Variants in BTBD10 observed in about 807,000 individuals in gnomAD.
BTBD10 encodes the protein BTB/POZ domain-containing protein 10.
Under a neutral mutation model 53.2 loss-of-function variants are expected in BTBD10, and 21 were observed. That is an observed-to-expected ratio of 0.39 (90% CI 0.28 to 0.57). The LOEUF (loss-of-function observed/expected upper bound fraction) is 0.57, where lower values mean the gene tolerates loss of function less well. Among genes scored for constraint, BTBD10 ranks in the 20% least tolerant of loss-of-function variants. The probability of loss-of-function intolerance (pLI) is 0.53; values close to 1 mark genes in which losing one functional copy is unlikely to be tolerated. For missense variants in BTBD10, 360 were observed against 594.7 expected (o/e 0.61, Z 4.10); for synonymous variants, 149 against 192.7 (o/e 0.77, Z 1.88).
At chr11:13,409,102 T>G (rs1949888747) in intron 6 of BTBD10, among the ~76,000 whole-genome samples, 1 of 152,142 alleles carries the variant, frequency 6.6e-6, no homozygotes. Context: ...GGTGCCTTGT[T>G]ACCTCTCCGA....
intron 2 of BTBD10, among the ~76,000 whole-genome samples, chr11:13,442,629 A>G (rs1950678725): frequency 6.6e-6 from 1 of 152,128 alleles, no homozygotes; most frequent in African/African-American, 2.4e-5. Context: ...ACTCAAGCTG[A>G]TAATTATTCT....
chr11:13,449,201 T>C (rs1950805212), intron 1 of BTBD10, among the ~76,000 whole-genome samples: 1 of 152,188 alleles, frequency 6.6e-6, no homozygotes, highest in South Asian at 2.1e-4. Context: ...TTCCAGGTAG[T>C]ATCAATTAAT....
Position 13,419,662 on chromosome 11 carries a change from C to G in BTBD10, c.382G>C (p.Gly128Arg), listed in dbSNP as rs1396982010. The G allele has an allele frequency of 6.2e-7, 1 of 1,613,962 alleles. No homozygotes were observed. The change falls in exon 4 of 9, where the codon GGG becomes CGG. Residue 128 changes from glycine (G) to arginine (R), a missense_variant. Physicochemically the swap from Gly to Arg is moderately radical, Grantham distance 125. This residue lies in a region of BTBD10 where 109 missense variants were observed against 118.6 expected (regional missense o/e 0.92). Transcript: ENST00000278174. ...ASPNGSISSA[G>R]NSSRNSSQSS... ...TGACTACTGTTTCTGCTGCTGTTCC[C>G]AGCACTGCTAATGGAACCATTTGGG...
intron 7 of BTBD10, chr11:13,404,530 T>A: frequency 1.2e-6 from 1 of 849,012 alleles, no homozygotes; most frequent in Non-Finnish European, 1.4e-6. Flanking sequence ...TGTTCACTCC[T>A]TTTCCTTAAC....
intron 6 of BTBD10, among the ~76,000 whole-genome samples, chr11:13,406,301 G>C (rs1026672004): frequency 6.6e-6 from 1 of 152,080 alleles, no homozygotes; most frequent in African/African-American, 2.4e-5. Context: ...ACATGATGCA[G>C]GAATTCCACA....
At position 13,419,588 on chromosome 11, in the gene BTBD10, T is replaced by C; in HGVS notation, c.456A>G (p.Val152=). ...SCKTAGEMVF[V]YENAKEGARN... ...GAGCTCCTTCTTTTGCATTTTCATA[T>C]ACAAACACCATCTCCCCAGCTGTCT... The change falls in exon 4 of 9, where the codon GTA becomes GTG. Residue 152 remains valine, a synonymous_variant. Transcript: ENST00000278174. 1 of 1,614,124 alleles carries C rather than the reference T, an allele frequency of 6.2e-7. No homozygotes were observed. The highest frequency in any genetic ancestry group is 2.2e-5 in the East Asian group (1 of 44,874).
chr11:13,417,160 G>A lies in BTBD10; in HGVS notation c.685C>T (p.Leu229=), dbSNP rs750968552. ...CAATACTCATAAGAAACACTCACCA[G>A]AATCGCTCGAAACACAGTGGAACCA... The part of the protein sequence containing the change: ...GIGSTVFRAI[L]DYYKTGIIRC... The change falls in exon 5 of 9, where the codon CTG becomes TTG. Residue 229 remains leucine, a splice_region_variant and synonymous_variant. Transcript: ENST00000278174. The A allele has an allele frequency of 6.2e-7, 1 of 1,609,718 alleles. No homozygotes were observed. The highest frequency in any genetic ancestry group is 8.5e-7 in the Non-Finnish European group (1 of 1,177,670).
intron 2 of BTBD10, among the ~76,000 whole-genome samples, chr11:13,431,838 G>A (rs1950453469): frequency 1.3e-5 from 2 of 152,048 alleles, no homozygotes; most frequent in Admixed American, 6.6e-5. Context: ...AAGAACTGAA[G>A]AAAAACATCA....
At chr11:13,456,389 T>G (rs1050368121) in intron 1 of BTBD10, among the ~76,000 whole-genome samples, 1 of 152,038 alleles carries the variant, frequency 6.6e-6, no homozygotes, top group South Asian at 2.1e-4. Context: ...CAGGAAAACA[T>G]GAAACTGAAT....
At chr11:13,405,913 T>C in intron 6 of BTBD10, 57 bp from the exon 7 acceptor site, 5 of 1,527,910 alleles carry the variant, frequency 3.3e-6, no homozygotes, top group Non-Finnish European at 4.5e-6. Flanking sequence ...AGAGTTCTTT[T>C]AGAAATATAG....
chr11:13,457,310 A>G (rs1445102057), intron 1 of BTBD10, among the ~76,000 whole-genome samples: 1 of 152,272 alleles, frequency 6.6e-6, no homozygotes, highest in Non-Finnish European at 1.5e-5. Flanking sequence ...CTAATATTCC[A>G]TAAAATATTT....
chr11:13,455,087 C>G (rs1950935551), intron 1 of BTBD10, among the ~76,000 whole-genome samples: 1 of 152,030 alleles, frequency 6.6e-6, no homozygotes, highest in South Asian at 2.1e-4. Flanking sequence ...ATTTTGTATT[C>G]TTTTTAGTAG....
At chr11:13,421,909 C>A in intron 2 of BTBD10, 71 bp from the exon 3 acceptor site, 4 of 1,271,374 alleles carry the variant, frequency 3.1e-6, no homozygotes, top group Admixed American at 5.4e-5. Context: ...AAAGAAACAC[C>A]CAAGTAACAA....
At chr11:13,402,003 T>C (rs1318120987) in intron 8 of BTBD10, among the ~76,000 whole-genome samples, 1 of 152,204 alleles carries the variant, frequency 6.6e-6, no homozygotes. Context: ...TCCCCTTGAA[T>C]GTCTTCTTCT....
At chr11:13,441,646 A>C (rs1950652883) in intron 2 of BTBD10, among the ~76,000 whole-genome samples, 1 of 152,140 alleles carries the variant, frequency 6.6e-6, no homozygotes. Flanking sequence ...GCCAGCAAGG[A>C]AAAGTGGGGA....
chr11:13,411,209 C>G (rs1949936433), intron 6 of BTBD10, among the ~76,000 whole-genome samples: 1 of 152,158 alleles, frequency 6.6e-6, no homozygotes, highest in Non-Finnish European at 1.5e-5. Context: ...AAGATACAGT[C>G]TCTGTCCTCA....
chr11:13,455,132 C>T (rs1230231901), intron 1 of BTBD10, among the ~76,000 whole-genome samples: 3 of 152,276 alleles, frequency 2.0e-5, no homozygotes, highest in South Asian at 2.1e-4. Flanking sequence ...AGGCTGGTCT[C>T]GAACTCCTGA....
chr11:13,453,185 C>G (rs77979724), intron 1 of BTBD10, among the ~76,000 whole-genome samples: 1 of 151,704 alleles, frequency 6.6e-6, no homozygotes, highest in African/African-American at 2.4e-5. Context: ...GATACAGATA[C>G]AGAAAATATT....
intron 1 of BTBD10, among the ~76,000 whole-genome samples, chr11:13,446,294 C>T (rs1950748705): frequency 6.6e-6 from 1 of 152,008 alleles, no homozygotes; most frequent in Non-Finnish European, 1.5e-5. Flanking sequence ...AAGGGAAATT[C>T]CAAAACTGGG....
Sources: allele counts gnomAD v4.1 joint callset (sites outside exome capture counted in the v4.1 genomes callset), GRCh38; gene constraint gnomAD v4.1.1; regional missense constraint gnomAD v4.1.1; transcripts MANE v1.5; gene names NCBI Gene and HGNC (gene_info 2026-07-23, HGNC 2026-07-21).